Variants in NME7 observed in about 807,000 individuals in gnomAD.
NME7 encodes the protein NME/NM23 family member 7, also known as nucleoside diphosphate kinase 7.
A neutral mutation model predicts 49.1 loss-of-function variants in NME7; 41 were observed. That is an observed-to-expected ratio of 0.83 (90% confidence interval 0.65 to 1.08). The LOEUF is 1.08. NME7 is among the 50% of genes least tolerant of loss of function. NME7 has a pLI of 0.00. For missense variants in NME7, 423 were observed against 463.4 expected (o/e 0.91, Z 0.80); for synonymous variants, 139 against 150.6 (o/e 0.92, Z 0.56).
intron 11 of NME7, among the ~76,000 whole-genome samples, chr1:169,139,040 G>T (rs534453737): frequency 1.3e-5 from 2 of 152,298 alleles, no homozygotes; most frequent in East Asian, 3.9e-4. Flanking sequence ...AATATGAACA[G>T]ATGTTTGTTG....
At chr1:169,164,870 T>C (rs1217075362) in intron 11 of NME7, among the ~76,000 whole-genome samples, 1 of 152,230 alleles carries the variant, frequency 6.6e-6, no homozygotes. Context: ...GTTTTGCCCA[T>C]AGTTGTCACC....
intron 7 of NME7, among the ~76,000 whole-genome samples, chr1:169,251,746 T>C (rs1648630991): frequency 1.5e-5 from 2 of 132,354 alleles, no homozygotes; most frequent in Non-Finnish European, 3.1e-5. Flanking sequence ...GAGTGTGATA[T>C]TCCCCTTCCT....
chr1:169,133,122 A>G (rs146962254), intron 11 of NME7, among the ~76,000 whole-genome samples: 1 of 152,354 alleles, frequency 6.6e-6, no homozygotes, highest in East Asian at 1.9e-4. Flanking sequence ...TCAGTTTTTA[A>G]AAAATGAGGT....
chr1:169,258,515 A>G (rs186129044), intron 7 of NME7, among the ~76,000 whole-genome samples: 2 of 125,700 alleles, frequency 1.6e-5, no homozygotes, highest in East Asian at 4.0e-4. Context: ...TACTTATTCT[A>G]ACTTTCCAAA....
rs991524276 is a variant in NME7 at position 169,279,477 on chromosome 1, T to C, written c.754+7826A>G. Among the ~76,000 whole-genome samples, 12 of 152,212 alleles carry C rather than the reference T, an allele frequency of 7.9e-5. No homozygotes were observed. The East Asian group carries it at 1.2e-3, about 15-fold the overall frequency. On this transcript the variant is annotated intron_variant, in intron 7 of 11. Transcript: ENST00000367811. ...AGCAATCAACGAGACTCTGTGGGCA[T>C]AGGACCCTCCAAGCCAGGTGCGGGA... is the stretch of plus-strand genomic sequence containing the variant.
intron 4 of NME7, among the ~76,000 whole-genome samples, chr1:169,304,571 G>C (rs1032248540): frequency 6.6e-6 from 1 of 151,920 alleles, no homozygotes; most frequent in African/African-American, 2.4e-5. Flanking sequence ...ACATGGAAAG[G>C]AGAAAAAAAT....
At chr1:169,172,979 C>T (rs1659648280) in intron 10 of NME7, among the ~76,000 whole-genome samples, 1 of 152,120 alleles carries the variant, frequency 6.6e-6, no homozygotes, top group Non-Finnish European at 1.5e-5. Context: ...TACTAATGAA[C>T]ACACAGTAAA....
chr1:169,248,889 C>T (rs201349047), intron 7 of NME7, among the ~76,000 whole-genome samples: 2 of 127,058 alleles, frequency 1.6e-5, no homozygotes, highest in Non-Finnish European at 3.5e-5. Context: ...TTGTGGCAAA[C>T]ATCTGATAAT....
At chr1:169,141,042 T>C (rs1275560440) in intron 11 of NME7, among the ~76,000 whole-genome samples, 1 of 152,154 alleles carries the variant, frequency 6.6e-6, no homozygotes, top group Non-Finnish European at 1.5e-5. Flanking sequence ...TTAACCCTAA[T>C]CTCATCTTTT....
chr1:169,233,480 AG>A (rs1288671368), intron 9 of NME7, among the ~76,000 whole-genome samples: 2 of 152,208 alleles, frequency 1.3e-5, no homozygotes, highest in Non-Finnish European at 2.9e-5. Context: ...CAGACCATGC[AG>A]GGTCATGTAA....
chr1:169,280,929 G>A (rs1032347663), intron 7 of NME7, among the ~76,000 whole-genome samples: 2 of 151,970 alleles, frequency 1.3e-5, no homozygotes, highest in African/African-American at 4.8e-5. Flanking sequence ...GATTGTCTTG[G>A]CTACGCAGGC....
At chr1:169,273,451 T>A (rs34693497) in intron 7 of NME7, among the ~76,000 whole-genome samples, 11,754 of 130,770 alleles carry the variant, frequency 0.09, 3,142 homozygotes, top group East Asian at 0.75. Flanking sequence ...TCTTTTCTAT[T>A]TTTTTCTTAA....
At chr1:169,225,328 T>A (rs983915023) in intron 10 of NME7, among the ~76,000 whole-genome samples, 3 of 152,150 alleles carry the variant, frequency 2.0e-5, no homozygotes, top group Non-Finnish European at 2.9e-5. Flanking sequence ...AGGCTGATCT[T>A]GAACTCCTGA....
Position 169,330,521 on chromosome 1 carries a change from A to C in NME7, c.4-6021T>G, listed in dbSNP as rs575966952. Among the ~76,000 whole-genome samples, 6 of 152,172 alleles carry C rather than the reference A, an allele frequency of 3.9e-5. No homozygotes were observed. The South Asian group carries it at 1.2e-3, about 32-fold the overall frequency. On this transcript the variant is annotated intron_variant, in intron 1 of 11. Transcript: ENST00000367811. ...AGTGAAACCCCCATCTCTACTAAAA[A>C]TACAAAAATTAGCCAGGCATGGTGG...
intron 4 of NME7, among the ~76,000 whole-genome samples, chr1:169,307,544 A>G (rs10800430): frequency 0.043 from 6,595 of 152,298 alleles, 208 homozygotes; most frequent in East Asian, 0.12. Context: ...TGTATGCCCT[A>G]TGGTGCTCTT....
chr1:169,354,552 T>A (rs1653309808), intron 1 of NME7, among the ~76,000 whole-genome samples: 1 of 151,420 alleles, frequency 6.6e-6, no homozygotes, highest in Admixed American at 6.6e-5. Context: ...ACACAAAGAA[T>A]AAATACTTGA....
intron 10 of NME7, among the ~76,000 whole-genome samples, chr1:169,188,643 C>G (rs372139828): frequency 2.6e-5 from 4 of 152,130 alleles, no homozygotes; most frequent in Non-Finnish European, 5.9e-5. Context: ...TATTGTCATT[C>G]GGTATTAATC....
At chr1:169,161,071 A>G (rs1659229403) in intron 11 of NME7, among the ~76,000 whole-genome samples, 1 of 152,206 alleles carries the variant, frequency 6.6e-6, no homozygotes, top group Non-Finnish European at 1.5e-5. Context: ...AGTGACCTCT[A>G]TAACACAGGT....
intron 7 of NME7, among the ~76,000 whole-genome samples, chr1:169,279,660 C>T (rs1411529604): frequency 2.0e-5 from 3 of 152,240 alleles, no homozygotes; most frequent in Admixed American, 2.0e-4. Flanking sequence ...AATGCCTCGC[C>T]CTGCTTCGGC....
Sources: allele counts gnomAD v4.1 joint callset (sites outside exome capture counted in the v4.1 genomes callset), GRCh38; gene constraint gnomAD v4.1.1; transcripts MANE v1.5; gene names NCBI Gene and HGNC (gene_info 2026-07-23, HGNC 2026-07-21).